The following AOAH variants were observed in gnomAD, a reference collection of about 807,000 sequenced individuals.
AOAH encodes acyloxyacyl hydrolase, also known as acyloxyacyl hydrolase (neutrophil).
AOAH carries 64 observed loss-of-function variants against 92.2 expected under a neutral mutation model. That is an observed-to-expected ratio of 0.69 (90% CI 0.57 to 0.86). AOAH has a LOEUF of 0.86. AOAH is among the 40% of genes least tolerant of loss of function. The pLI is 0.00. For missense variants in AOAH, 656 were observed against 694.6 expected, an observed-to-expected ratio of 0.94 and a Z score of 0.62; for synonymous variants, 263 against 254.5, an observed-to-expected ratio of 1.03 and a Z score of -0.32.
intron 11 of AOAH, among the ~76,000 whole-genome samples, chr7:36,605,013 A>G (rs1463181488): frequency 6.6e-6 from 1 of 152,186 alleles, no homozygotes; most frequent in Non-Finnish European, 1.5e-5. Flanking sequence ...TACTTCATGC[A>G]TGCTCTTCCT....
intron 1 of AOAH, among the ~76,000 whole-genome samples, chr7:36,687,366 G>T (rs537697873): frequency 1.3e-5 from 2 of 152,254 alleles, no homozygotes; most frequent in African/African-American, 2.4e-5. Flanking sequence ...CTACTTGAAA[G>T]CATGCAGGAA....
intron 1 of AOAH, among the ~76,000 whole-genome samples, chr7:36,693,939 T>A (rs543448701): frequency 6.6e-6 from 1 of 152,186 alleles, no homozygotes; most frequent in Non-Finnish European, 1.5e-5. Flanking sequence ...TATAGCAATG[T>A]CACAGAATTC....
chr7:36,721,847 GA>G (rs1171859356), intron 1 of AOAH, among the ~76,000 whole-genome samples: 1 of 152,200 alleles, frequency 6.6e-6, no homozygotes, highest in African/African-American at 2.4e-5. Context: ...TTGAGCAATG[GA>G]AGATGGCAAG....
intron 13 of AOAH, among the ~76,000 whole-genome samples, chr7:36,563,698 A>C (rs1259422808): frequency 1.3e-5 from 2 of 152,230 alleles, no homozygotes; most frequent in Non-Finnish European, 2.9e-5. Flanking sequence ...ACATTTTTGA[A>C]CACGAGTTAG....
intron 1 of AOAH, among the ~76,000 whole-genome samples, chr7:36,689,478 C>G (rs1797252966): frequency 6.6e-6 from 1 of 152,190 alleles, no homozygotes; most frequent in African/African-American, 2.4e-5. Context: ...TCTGCTGCAT[C>G]CTCAAGTGGC....
chr7:36,636,285 T>G (rs954303572), intron 5 of AOAH, among the ~76,000 whole-genome samples: 1 of 151,990 alleles, frequency 6.6e-6, no homozygotes, highest in Non-Finnish European at 1.5e-5. Context: ...TCAGTAGAAT[T>G]TTTTTTTTCA....
chr7:36,517,262 CTCTTTCTTTCTTTCTT>C (rs142858220), intron 20 of AOAH, among the ~76,000 whole-genome samples: 15 of 132,688 alleles, frequency 1.1e-4, no homozygotes, highest in East Asian at 6.3e-4. Flanking sequence ...CTGTGTCTCT[CTCTTTCTTTCTTTCTT>C]TCTTTCTTTC....
intron 3 of AOAH, among the ~76,000 whole-genome samples, chr7:36,660,652 T>C (rs114312008): frequency 6.6e-6 from 1 of 152,330 alleles, no homozygotes; most frequent in African/African-American, 2.4e-5. Flanking sequence ...GAAAGTACAA[T>C]GTAACTGACT....
chr7:36,625,544 C>G (rs1037676093), intron 6 of AOAH, among the ~76,000 whole-genome samples: 2 of 152,184 alleles, frequency 1.3e-5, no homozygotes, highest in African/African-American at 2.4e-5. Flanking sequence ...TTCACCTCCC[C>G]CTTCCATTTG....
intron 15 of AOAH, among the ~76,000 whole-genome samples, chr7:36,541,800 A>G (rs1469864517): frequency 6.6e-6 from 1 of 152,198 alleles, no homozygotes; most frequent in Non-Finnish European, 1.5e-5. Flanking sequence ...TCTTTGTACA[A>G]TTGACTTTTG....
intron 1 of AOAH, among the ~76,000 whole-genome samples, chr7:36,722,996 T>C (rs931731687): frequency 1.4e-5 from 2 of 146,478 alleles, no homozygotes; most frequent in Admixed American, 6.8e-5. Context: ...TCCTAACATG[T>C]ACAATGACCT....
In AOAH at chr7:36,716,970, T is replaced by TAATAAATA. The variant is rs200867596; in HGVS notation, c.127+7044_127+7051dup. ...CACATGTACCCTAAAACTTAAAGTA[T>TAATAAATA]AATAAATAAATAAATAAATAAATAA... On this transcript the variant is annotated intron_variant, in intron 1 of 20. Coordinates refer to ENST00000617537, the MANE Select transcript of AOAH (RefSeq NM_001637.4). Among the ~76,000 whole-genome samples the TAATAAATA allele has an allele frequency of 2.5e-3, 361 of 142,810 alleles. 3 individuals carry two copies. In the East Asian group the frequency reaches 0.031, roughly 12 times the overall value. 93.7% of individuals were successfully genotyped at this position (142,810 alleles called of 152,430 possible). A position where few individuals can be genotyped will look rare whatever the true frequency, so the allele number is the denominator to read the frequency against.
chr7:36,709,515 C>T, intron 1 of AOAH, among the ~76,000 whole-genome samples: 1 of 152,124 alleles, frequency 6.6e-6, no homozygotes, highest in Non-Finnish European at 1.5e-5. Flanking sequence ...CAGTTTTATA[C>T]TTAGTCTTTT....
intron 13 of AOAH, among the ~76,000 whole-genome samples, chr7:36,572,004 A>C (rs1788176916): frequency 6.6e-6 from 1 of 152,204 alleles, no homozygotes; most frequent in Admixed American, 6.5e-5. Flanking sequence ...AATAGCTACA[A>C]GAGAATAATC....
chr7:36,639,264 A>G (rs950729996), intron 4 of AOAH, among the ~76,000 whole-genome samples: 1 of 152,230 alleles, frequency 6.6e-6, no homozygotes, highest in Non-Finnish European at 1.5e-5. Flanking sequence ...TCAGTGTAAC[A>G]GACACCAGAT....
chr7:36,618,017 A>G (rs141928153), intron 10 of AOAH, among the ~76,000 whole-genome samples: 8 of 152,324 alleles, frequency 5.3e-5, no homozygotes, highest in African/African-American at 1.9e-4. Flanking sequence ...CTGGATTCCC[A>G]TTGCTCTTTT....
chr7:36,625,362 T>C (rs1792579986), intron 6 of AOAH, among the ~76,000 whole-genome samples: 1 of 152,188 alleles, frequency 6.6e-6, no homozygotes. Context: ...TCTCAGAAGT[T>C]TATTTAACCT....
chr7:36,665,799 A>T (rs1795497871), intron 3 of AOAH, among the ~76,000 whole-genome samples: 1 of 152,080 alleles, frequency 6.6e-6, no homozygotes, highest in East Asian at 1.9e-4. Flanking sequence ...TGTGTCTATT[A>T]ATATAATCAT....
At chr7:36,549,605 C>G (rs1227642590) in intron 13 of AOAH, 130 bp from the exon 14 acceptor site, 1 of 621,608 alleles carries the variant, frequency 1.6e-6, no homozygotes, top group Admixed American at 2.9e-5. Context: ...CTGACCAACA[C>G]ATTGATGGAA....
Sources: gnomAD v4.1 joint callset for allele counts (sites outside exome capture counted in the v4.1 genomes callset) on GRCh38, gnomAD v4.1.1 for gene constraint, MANE v1.5 for transcripts, NCBI Gene and HGNC (gene_info 2026-07-23, HGNC 2026-07-21) for gene names.